The following COL21A1 variants were observed in gnomAD, a reference collection of about 807,000 sequenced individuals.
COL21A1 encodes the protein collagen alpha-1(XXI) chain.
A neutral mutation model predicts 137.9 loss-of-function variants in COL21A1; 149 were observed. The ratio of observed to expected loss-of-function variants is 1.08; its 90% CI spans 0.95 to 1.24. COL21A1 has a LOEUF of 1.24. Among genes scored for constraint, COL21A1 ranks in the 50% most tolerant of loss-of-function variants. COL21A1 has a pLI of 0.00. For missense variants in COL21A1, 1,167 were observed against 1,158.4 expected, an observed-to-expected ratio of 1.01 and a Z score of -0.11; for synonymous variants, 456 against 391.5, an observed-to-expected ratio of 1.16 and a Z score of -1.95.
chr6:56,159,634 C>CAT (rs551048320), intron 9 of COL21A1, among the ~76,000 whole-genome samples: 36 of 123,560 alleles, frequency 2.9e-4, no homozygotes, highest in Non-Finnish European at 4.6e-4. Flanking sequence ...CCTGGCCTTA[C>CAT]TTTTTTTTTT....
intron 17 of COL21A1, among the ~76,000 whole-genome samples, chr6:56,090,783 T>A (rs1374243613): frequency 6.6e-6 from 1 of 152,120 alleles, no homozygotes; most frequent in African/African-American, 2.4e-5. Context: ...CAAATTGTAC[T>A]ATCCAAATTG....
intron 1 of COL21A1, among the ~76,000 whole-genome samples, chr6:56,284,226 TCTA>T (rs5876499): frequency 0.25 from 37,474 of 151,868 alleles, 5,054 homozygotes; most frequent in Non-Finnish European, 0.31. Flanking sequence ...TTTTGTATTT[TCTA>T]CTTTTGGTAG....
At chr6:56,193,843 C>T (rs1778855476) in intron 1 of COL21A1, among the ~76,000 whole-genome samples, 1 of 152,048 alleles carries the variant, frequency 6.6e-6, no homozygotes. Flanking sequence ...CAGTCTCCAC[C>T]TCCCAGGCTC....
intron 9 of COL21A1, among the ~76,000 whole-genome samples, chr6:56,159,006 C>T (rs1775997711): frequency 6.6e-6 from 1 of 152,148 alleles, no homozygotes. Flanking sequence ...GTTAGAATTT[C>T]TCTCTTGTTT....
intron 1 of COL21A1, among the ~76,000 whole-genome samples, chr6:56,316,303 C>T (rs1294347874): frequency 1.3e-5 from 2 of 151,902 alleles, no homozygotes; most frequent in South Asian, 4.2e-4. Context: ...GTGCACAGAT[C>T]TCTTGCTTGA....
intron 1 of COL21A1, among the ~76,000 whole-genome samples, chr6:56,379,528 T>A (rs1033034628): frequency 1.3e-5 from 2 of 152,084 alleles, no homozygotes; most frequent in Non-Finnish European, 2.9e-5. Flanking sequence ...AAGATATAGA[T>A]GAATATAGAG....
At chr6:56,233,913 T>C (rs866162669) in intron 1 of COL21A1, among the ~76,000 whole-genome samples, 6 of 151,834 alleles carry the variant, frequency 4.0e-5, no homozygotes, top group African/African-American at 9.7e-5. Flanking sequence ...GAGGGGGTAA[T>C]TGATACCAAT....
intron 1 of COL21A1, among the ~76,000 whole-genome samples, chr6:56,346,826 T>C (rs544394715): frequency 6.6e-6 from 1 of 152,146 alleles, no homozygotes; most frequent in Non-Finnish European, 1.5e-5. Flanking sequence ...TAGCAGCAGA[T>C]GGAGTTTCAG....
At chr6:56,075,329 A>G in intron 19 of COL21A1, 150 bp downstream of exon 19, 1 of 630,674 alleles carries the variant, frequency 1.6e-6, no homozygotes. Context: ...TAGACATAAT[A>G]TGTTTCATAC....
intron 1 of COL21A1, among the ~76,000 whole-genome samples, chr6:56,354,145 G>T (rs1361193669): frequency 2.0e-5 from 3 of 152,186 alleles, no homozygotes; most frequent in Non-Finnish European, 4.4e-5. Flanking sequence ...AACAAACTGT[G>T]TGATCTCATT....
chr6:56,303,926 G>C (rs1174938554), intron 1 of COL21A1, among the ~76,000 whole-genome samples: 1 of 152,160 alleles, frequency 6.6e-6, no homozygotes, highest in Non-Finnish European at 1.5e-5. Context: ...AATTTATTGA[G>C]AGTTTTTAGC....
At chr6:56,058,904 T>C (rs1264328982) in intron 29 of COL21A1, among the ~76,000 whole-genome samples, 1 of 151,992 alleles carries the variant, frequency 6.6e-6, no homozygotes, top group Non-Finnish European at 1.5e-5. Context: ...TAAGCAGGGG[T>C]GACTAAAATG....
chr6:56,243,816 T>A (rs1349403717), intron 1 of COL21A1, among the ~76,000 whole-genome samples: 1 of 152,182 alleles, frequency 6.6e-6, no homozygotes, highest in African/African-American at 2.4e-5. Context: ...GTACCTTGTC[T>A]TTAACCAAGA....
At position 56,236,493 on chromosome 6, in the gene COL21A1, G is replaced by T. The variant is rs111339177; in HGVS notation, c.-39+10894C>A. 3.2e-3 allele frequency among the ~76,000 whole-genome samples: 486 copies of T among 152,066 alleles called. 5 individuals are homozygous for T. Among genetic ancestry groups the T allele is most frequent in the African/African-American group, 0.011 (472 of 41,512 alleles). Reference sequence around the variant, plus strand: ...TCATATCACGAACAACAATTTGTAGGATACTGCCAGCCCTATGACTTGTGT... The same window carrying T: ...TCATATCACGAACAACAATTTGTAGTATACTGCCAGCCCTATGACTTGTGT... On this transcript the variant is annotated intron_variant, in intron 1 of 29. Transcript: ENST00000244728.
intron 10 of COL21A1, among the ~76,000 whole-genome samples, chr6:56,143,199 CTTTTTT>C (rs1201380404): frequency 8.0e-6 from 1 of 124,532 alleles, no homozygotes; most frequent in African/African-American, 3.1e-5. Context: ...TACAATTTTT[CTTTTTT>C]TTTTTTTTTT....
intron 16 of COL21A1, among the ~76,000 whole-genome samples, chr6:56,116,733 T>C (rs1190962770): frequency 6.6e-6 from 1 of 151,860 alleles, no homozygotes; most frequent in Non-Finnish European, 1.5e-5. Flanking sequence ...TCAAAAATAA[T>C]AACTATAACA....
At chr6:56,379,240 G>C (rs1372147803) in intron 1 of COL21A1, among the ~76,000 whole-genome samples, 1 of 152,204 alleles carries the variant, frequency 6.6e-6, no homozygotes, top group Non-Finnish European at 1.5e-5. Flanking sequence ...TAAGGCACCA[G>C]GGACCAATCA....
chr6:56,064,568 C>CA lies in COL21A1; in HGVS notation c.2172+9dup. The CA allele has an allele frequency of 1.3e-6, 2 of 1,586,308 alleles. No homozygotes were observed. The highest frequency in any genetic ancestry group is 1.7e-6 in the Non-Finnish European group (2 of 1,163,324). Reference sequence around the variant, plus strand: ...ATTTCATTTTTTATCAGAAGAAAACCAAAAAATACCTGTTGCCCTGGAATT... The same window carrying CA: ...ATTTCATTTTTTATCAGAAGAAAACCAAAAAAATACCTGTTGCCCTGGAATT... On this transcript the variant is annotated intron_variant, in intron 24 of 29. Transcript: ENST00000244728.
intron 17 of COL21A1, 63 bp downstream of exon 17, chr6:56,101,409 A>G (rs573783210): frequency 2.8e-5 from 36 of 1,282,874 alleles, no homozygotes; most frequent in Admixed American, 4.1e-5. Context: ...TTAAATAACC[A>G]AAAAGGATTT....
Sources: gnomAD v4.1 joint callset for allele counts (sites outside exome capture counted in the v4.1 genomes callset) on GRCh38, gnomAD v4.1.1 for gene constraint, MANE v1.5 for transcripts, NCBI Gene and HGNC (gene_info 2026-07-23, HGNC 2026-07-21) for gene names.